Variants in AKR1C2 observed in about 807,000 individuals in gnomAD.
AKR1C2 encodes the protein aldo-keto reductase family 1 member C2.
AKR1C2 carries 27 observed loss-of-function variants against 39.8 expected under a neutral mutation model. That is an observed-to-expected ratio of 0.68 (90% confidence interval 0.50 to 0.93). The LOEUF is 0.93. Among genes scored for constraint, AKR1C2 ranks in the 40% least tolerant of loss-of-function variants. The pLI is 0.00. For synonymous variants in AKR1C2, 114 were observed against 137.9 expected (o/e 0.83, Z 1.22); for missense variants, 263 against 365.1 (o/e 0.72, Z 2.28).
chr10:5,002,150 T>C (rs1387052354), intron 1 of AKR1C2, among the ~76,000 whole-genome samples: 1 of 152,236 alleles, frequency 6.6e-6, no homozygotes, highest in Admixed American at 6.5e-5. Flanking sequence ...GTATGTGAAC[T>C]GTTGTCTACA....
rs1184362425 is a variant in AKR1C2 at position 4,998,873 on chromosome 10, A to C, written c.448-126T>G. The C allele has an allele frequency of 5.5e-6, 8 of 1,447,478 alleles. No individual in the cohort carries two copies. The African/African-American group carries it at 1.1e-4, about 21-fold the overall frequency. 89.7% of individuals were successfully genotyped at this position (1,447,478 alleles called of 1,614,324 possible). ...ATCAAACTAGCTAGCCGTGGTTCTT[A>C]AAAGGGAGAAAATAAAACAGAAAAA... On this transcript the variant is annotated intron_variant, in intron 4 of 8. Coordinates refer to ENST00000380753, the MANE Select transcript of AKR1C2 (RefSeq NM_001393392.1).
chr10:5,008,409 C>G (rs1167719443), upstream of AKR1C2, among the ~76,000 whole-genome samples: 3 of 151,926 alleles, frequency 2.0e-5, no homozygotes, highest in Non-Finnish European at 4.4e-5. Context: ...TCACTCTCTA[C>G]TCATCATTTC....
rs1588295573 is a variant in AKR1C2, at chr10:4,989,213, G to A, written c.*783C>T. On this transcript the variant is annotated 3_prime_UTR_variant, in exon 9 of 9. Transcript: ENST00000380753. ...GTCCTGCCCCACCACAAACCAATAG[G>A]GTCAACGTTGTGAATGGGCACACAT... The A allele has an allele frequency of 3.9e-5, 6 of 152,092 alleles. No homozygotes were observed. In the South Asian group the frequency reaches 1.2e-3, roughly 32 times the overall value. The allele number at this position is 152,092 out of a possible 1,614,324, so 9.4% of individuals were successfully genotyped here.
At chr10:5,015,549 A>G (rs1937889) in intron 1 of AKR1C2, among the ~76,000 whole-genome samples, 10,783 of 152,144 alleles carry the variant, frequency 0.071, 526 homozygotes, top group African/African-American at 0.14. Context: ...CACTTTCCTA[A>G]GCATATGGAC....
intron 7 of AKR1C2, among the ~76,000 whole-genome samples, chr10:4,994,564 T>C (rs1554772662): frequency 6.6e-6 from 1 of 152,082 alleles, no homozygotes. Context: ...TATGCTGGGG[T>C]CATGCCCTGT....
At chr10:5,003,627 G>A (rs1837335883) in intron 1 of AKR1C2, 125 bp downstream of exon 1, 14 of 1,112,134 alleles carry the variant, frequency 1.3e-5, no homozygotes, top group Non-Finnish European at 1.9e-5. Context: ...CGGCATTGCA[G>A]AACAAAGACT....
At chr10:4,993,697 G>A (rs1169508591) in intron 7 of AKR1C2, among the ~76,000 whole-genome samples, 2 of 151,230 alleles carry the variant, frequency 1.3e-5, no homozygotes, top group Admixed American at 1.3e-4. Flanking sequence ...ATAAAATTTG[G>A]GAGATGTTAT....
chr10:4,997,071 T>C (rs1213826577), intron 5 of AKR1C2, among the ~76,000 whole-genome samples: 5 of 152,050 alleles, frequency 3.3e-5, no homozygotes, highest in Non-Finnish European at 5.9e-5. Flanking sequence ...TGACCACTGT[T>C]AGCTTAACCA....
At chr10:4,998,785 C>A (rs1327526666) in intron 4 of AKR1C2, 38 bp from the exon 5 acceptor site, 3 of 1,611,938 alleles carry the variant, frequency 1.9e-6, no homozygotes, top group Non-Finnish European at 1.7e-6. Flanking sequence ...TTTGTGTAGT[C>A]GACTGAAGAG....
rs116113800 is a variant in AKR1C2, at chr10:5,015,110, G to T, written c.-88+2790C>A. ...AGGGCTGTGTCCTTCAGATCTGGTCGCCTGGAAGACTCTTGATCTATAACC... is the reference window on the plus strand; with the variant it reads ...AGGGCTGTGTCCTTCAGATCTGGTCTCCTGGAAGACTCTTGATCTATAACC... On this transcript the variant is annotated intron_variant, in intron 1 of 6. Coordinates refer to the AKR1C2 transcript ENST00000604507. 3.3e-5 allele frequency: 5 copies of T among 152,278 alleles called. No individual in the cohort carries two copies. In the South Asian group the frequency reaches 6.2e-4, roughly 19 times the overall value. 9.4% of individuals were successfully genotyped at this position (152,278 alleles called of 1,614,324 possible).
At chr10:4,993,887 C>G (rs1554772529) in intron 7 of AKR1C2, among the ~76,000 whole-genome samples, 2 of 150,904 alleles carry the variant, frequency 1.3e-5, no homozygotes, top group Admixed American at 6.6e-5. Context: ...ATAATTTCCA[C>G]AGTCTTTCAT....
intron 5 of AKR1C2, among the ~76,000 whole-genome samples, chr10:4,998,242 G>A (rs1837128808): frequency 6.6e-6 from 1 of 150,560 alleles, no homozygotes; most frequent in Non-Finnish European, 1.5e-5. Context: ...CTTATGTACT[G>A]TTCATTCCAT....
At chr10:5,013,106 T>A (rs1295644843) in intron 1 of AKR1C2, among the ~76,000 whole-genome samples, 1 of 152,142 alleles carries the variant, frequency 6.6e-6, no homozygotes, top group African/African-American at 2.4e-5. Flanking sequence ...GCTTCATACC[T>A]GGGTAACAAA....
upstream of AKR1C2, among the ~76,000 whole-genome samples, chr10:5,005,124 T>C (rs1837371295): frequency 2.6e-5 from 4 of 151,676 alleles, no homozygotes; most frequent in South Asian, 2.1e-4. Flanking sequence ...CCATCTAAGC[T>C]ATTGAGGAGA....
chr10:5,016,921 C>T (rs1203721331), intron 1 of AKR1C2, among the ~76,000 whole-genome samples: 1 of 152,224 alleles, frequency 6.6e-6, no homozygotes, highest in Non-Finnish European at 1.5e-5. Flanking sequence ...AGTCACCACA[C>T]ATTGGGGCTA....
chr10:5,011,776 C>T (rs2131726710), intron 1 of AKR1C2, among the ~76,000 whole-genome samples: 2 of 152,324 alleles, frequency 1.3e-5, no homozygotes, highest in South Asian at 4.1e-4. Context: ...ACACGAGAGA[C>T]CCAATGACTG....
chr10:4,994,147 A>G (rs1359818158), intron 7 of AKR1C2, among the ~76,000 whole-genome samples: 2 of 151,820 alleles, frequency 1.3e-5, no homozygotes, highest in Non-Finnish European at 2.9e-5. Context: ...TATAATATAT[A>G]TCATACGTGA....
chr10:5,012,301 C>T (rs1837540573), intron 1 of AKR1C2, among the ~76,000 whole-genome samples: 1 of 151,990 alleles, frequency 6.6e-6, no homozygotes. Context: ...TCCCCCTGCC[C>T]TGCCAATAAC....
At chr10:4,996,646 C>T (rs576288342) in intron 5 of AKR1C2, among the ~76,000 whole-genome samples, 89 of 150,410 alleles carry the variant, frequency 5.9e-4, no homozygotes, top group African/African-American at 2.0e-3. Context: ...GCAATTAGTG[C>T]GACAATGAGA....
Sources: gnomAD v4.1 joint callset for allele counts (sites outside exome capture counted in the v4.1 genomes callset) on GRCh38, gnomAD v4.1.1 for gene constraint, MANE v1.5 for transcripts, NCBI Gene and HGNC (gene_info 2026-07-23, HGNC 2026-07-21) for gene names.